CCDC14: variants seen among roughly 807,000 people sequenced by gnomAD.
CCDC14 encodes coiled-coil domain containing 14.
Under a neutral mutation model 81.4 loss-of-function variants are expected in CCDC14, and 71 were observed. The ratio of observed to expected loss-of-function variants is 0.87; its 90% CI spans 0.72 to 1.06. The LOEUF (loss-of-function observed/expected upper bound fraction) is 1.06, where lower values mean the gene tolerates loss of function less well. CCDC14 is among the 50% of genes least tolerant of loss of function. The probability of loss-of-function intolerance (pLI) is 0.00; values close to 1 mark genes in which losing one functional copy is unlikely to be tolerated. For synonymous variants in CCDC14, 332 were observed against 364.8 expected (o/e 0.91, Z 1.03); for missense variants, 1,046 against 1,047.3 (o/e 1.00, Z 0.02).
chr3:123,958,309 C>G (rs1255293636), intron 1 of CCDC14: 2 of 152,094 alleles, frequency 1.3e-5, no homozygotes, highest in African/African-American at 2.4e-5. Context: ...AGTACACTGT[C>G]TGAGGTATAT....
chr3:123,950,888 T>C (rs17507717), intron 5 of CCDC14, among the ~76,000 whole-genome samples: 17,093 of 151,936 alleles, frequency 0.11, 2,134 homozygotes, highest in East Asian at 0.42. Flanking sequence ...AAAACTTCCA[T>C]GTAAAAGCAA....
chr3:123,928,995 T>C (rs1295480623), intron 12 of CCDC14, among the ~76,000 whole-genome samples: 1 of 152,176 alleles, frequency 6.6e-6, no homozygotes, highest in African/African-American at 2.4e-5. Flanking sequence ...AAGTACTTTA[T>C]AAATAAAAGA....
At position 123,956,734 on chromosome 3, in the gene CCDC14, A is replaced by T; in HGVS notation, c.86+6T>A. ...TCTGAAGTTGTAAACGTCTTCAAGT[A>T]CTTACGCTTTCTTTCCATTTGTTAA... On this transcript the variant is annotated splice_donor_region_variant and intron_variant, in intron 2 of 12. Transcript: ENST00000409697. 1 of 1,546,202 alleles carries T rather than the reference A, an allele frequency of 6.5e-7. No individual in the cohort carries two copies. The highest frequency in any genetic ancestry group is 8.8e-7 in the Non-Finnish European group (1 of 1,142,730).
chr3:123,923,188 C>T lies in CCDC14; in HGVS notation c.1779-7470G>A, dbSNP rs1348187228. Among the ~76,000 whole-genome samples, 8 of 152,014 alleles carry T rather than the reference C, an allele frequency of 5.3e-5. 1 individual carries two copies. The highest frequency in any genetic ancestry group is 4.6e-4 in the Admixed American group (7 of 15,258). Reference sequence around the variant, plus strand: ...AATGAAGAATTTAAAACTATATGATCATCGCAAAAGATGCAGAAAATGCAC... The same window carrying T: ...AATGAAGAATTTAAAACTATATGATTATCGCAAAAGATGCAGAAAATGCAC... On this transcript the variant is annotated intron_variant, in intron 12 of 12. Transcript: ENST00000409697.
downstream of CCDC14, among the ~76,000 whole-genome samples, chr3:123,895,277 C>T (rs376874554): frequency 5.3e-4 from 80 of 152,172 alleles, no homozygotes; most frequent in South Asian, 0.016. Context: ...CCTGGCTTGG[C>T]CCCCTTCACT....
downstream of CCDC14, among the ~76,000 whole-genome samples, chr3:123,910,832 A>C (rs1416596831): frequency 1.3e-5 from 2 of 152,200 alleles, no homozygotes; most frequent in Non-Finnish European, 2.9e-5. Context: ...AGTTAGGTCC[A>C]ACAATAGTTA....
At chr3:123,957,821 T>C (rs1018403546) in intron 1 of CCDC14, 14 of 152,182 alleles carry the variant, frequency 9.2e-5, no homozygotes, top group African/African-American at 3.4e-4. Context: ...TAATTTTAAA[T>C]AGACATGAGA....
At chr3:123,893,314 TAA>T (rs768018815), downstream of CCDC14, among the ~76,000 whole-genome samples, 2 of 152,252 alleles carry the variant, frequency 1.3e-5, no homozygotes, top group Non-Finnish European at 2.9e-5. Context: ...ATACCCCATA[TAA>T]GTGTAATCAT....
Position 123,914,243 on chromosome 3 carries a change from G to C in CCDC14, c.*536C>G. The stretch of plus-strand genomic sequence containing the variant: ...CTATATATTTTTTAGACCAATCAAT[G>C]TTTTTTAAGAGGTGTAGATACTGGT... On this transcript the variant is annotated 3_prime_UTR_variant, in exon 13 of 13. Transcript: ENST00000409697. 2.0e-6 allele frequency: 2 copies of C among 984,030 alleles called. No individual in the cohort carries two copies. Among genetic ancestry groups the C allele is most frequent in the Non-Finnish European group, 2.4e-6 (2 of 828,390 alleles). 61.0% of individuals were successfully genotyped at this position (984,030 alleles called of 1,614,324 possible).
At chr3:123,948,867 C>G in intron 6 of CCDC14, 29 bp downstream of exon 6, 1 of 1,596,470 alleles carries the variant, frequency 6.3e-7, no homozygotes, top group Non-Finnish European at 8.6e-7. Context: ...AACTTACACT[C>G]ACGATTTTTA....
At chr3:123,928,713 C>T (rs1286881934) in intron 12 of CCDC14, among the ~76,000 whole-genome samples, 2 of 152,110 alleles carry the variant, frequency 1.3e-5, no homozygotes, top group Admixed American at 6.6e-5. Flanking sequence ...CATCCGTCTA[C>T]CTCCCAGGTA....
At chr3:123,888,313 A>T in the CCDC14 span, among the ~76,000 whole-genome samples, 1 of 152,206 alleles carries the variant, frequency 6.6e-6, no homozygotes, top group Admixed American at 6.5e-5. Flanking sequence ...GATCATTTTT[A>T]CATGAATTTT....
intron 5 of CCDC14, among the ~76,000 whole-genome samples, chr3:123,897,905 C>T (rs551820666): frequency 1.0e-3 from 157 of 152,336 alleles, no homozygotes; most frequent in Non-Finnish European, 1.7e-3. Context: ...AGAAATCTAT[C>T]TACTGTATAA....
the CCDC14 span, among the ~76,000 whole-genome samples, chr3:123,888,015 T>C: frequency 6.6e-6 from 1 of 152,100 alleles, no homozygotes; most frequent in Non-Finnish European, 1.5e-5. Context: ...GTTCTTGTGT[T>C]CCTTATAGGT....
chr3:123,897,727 T>C, intron 5 of CCDC14: 1 of 370,892 alleles, frequency 2.7e-6, no homozygotes, highest in Non-Finnish European at 3.9e-6. Flanking sequence ...ACCTATAGGT[T>C]CTCCGTTTGC....
chr3:123,918,506 G>T (rs1375406210), intron 12 of CCDC14, among the ~76,000 whole-genome samples: 1 of 152,120 alleles, frequency 6.6e-6, no homozygotes. Flanking sequence ...CAGAACTCAG[G>T]AGTGAGCTGA....
intron 12 of CCDC14, among the ~76,000 whole-genome samples, chr3:123,926,740 A>T (rs1159158790): frequency 3.9e-5 from 6 of 152,092 alleles, no homozygotes; most frequent in African/African-American, 1.4e-4. Context: ...GTATTTCTTT[A>T]GACCTTGTAC....
chr3:123,890,133 T>G, the CCDC14 span, among the ~76,000 whole-genome samples: 3 of 152,080 alleles, frequency 2.0e-5, no homozygotes, highest in Non-Finnish European at 4.4e-5. Flanking sequence ...TTCACTATCA[T>G]GAGAACAGCA....
intron 12 of CCDC14, among the ~76,000 whole-genome samples, chr3:123,924,912 C>CATATATATATATATACACACACATATAT (rs2035267641): frequency 1.3e-5 from 2 of 148,528 alleles, no homozygotes; most frequent in Non-Finnish European, 3.0e-5. Flanking sequence ...TGTACATATC[C>CATATATATATATATACACACACATATAT]ATATATATAT....
Sources: allele counts gnomAD v4.1 joint callset (sites outside exome capture counted in the v4.1 genomes callset), GRCh38; gene constraint gnomAD v4.1.1; transcripts MANE v1.5; gene names NCBI Gene and HGNC (gene_info 2026-07-23, HGNC 2026-07-21).